The following PPARGC1A variants were observed in gnomAD, a reference collection of about 807,000 sequenced individuals.
The protein encoded by PPARGC1A is peroxisome proliferator-activated receptor gamma coactivator 1-alpha.
In PPARGC1A, 25 loss-of-function variants were observed where a neutral mutation model predicts 88.7. That is an observed-to-expected ratio of 0.28 (90% CI 0.21 to 0.39). PPARGC1A has a LOEUF of 0.39. Ranked by LOEUF, PPARGC1A falls within the 10% of genes least tolerant of loss-of-function variation. The pLI is 1.00. For missense variants in PPARGC1A, 880 were observed against 968.7 expected, an observed-to-expected ratio of 0.91 and a Z score of 1.22; for synonymous variants, 363 against 355.6, an observed-to-expected ratio of 1.02 and a Z score of -0.24.
the PPARGC1A span, among the ~76,000 whole-genome samples, chr4:24,076,266 T>C: frequency 6.6e-6 from 1 of 152,118 alleles, no homozygotes; most frequent in Non-Finnish European, 1.5e-5. Flanking sequence ...AAACCAAAGC[T>C]TGAAATAGAT....
At chr4:23,889,764 T>C (rs146580357) in intron 1 of PPARGC1A, 140 bp downstream of exon 1, 5 of 993,116 alleles carry the variant, frequency 5.0e-6, no homozygotes, top group African/African-American at 4.8e-5. Context: ...TAAGATAAGA[T>C]TGAGATTCTT....
chr4:24,170,014 T>A, the PPARGC1A span, among the ~76,000 whole-genome samples: 1 of 152,158 alleles, frequency 6.6e-6, no homozygotes, highest in African/African-American at 2.4e-5. Flanking sequence ...CAATGAATAA[T>A]TAAAAATTCA....
chr4:23,949,743 A>G, the PPARGC1A span, among the ~76,000 whole-genome samples: 1 of 152,168 alleles, frequency 6.6e-6, no homozygotes. Context: ...TGTGAATTCA[A>G]GGACAAGAGC....
At chr4:24,324,127 C>A in the PPARGC1A span, among the ~76,000 whole-genome samples, 1 of 152,198 alleles carries the variant, frequency 6.6e-6, no homozygotes, top group Admixed American at 6.5e-5. Flanking sequence ...TCAAGGGTGT[C>A]AAACCACGCA....
the PPARGC1A span, among the ~76,000 whole-genome samples, chr4:24,213,153 C>G: frequency 2.1e-5 from 3 of 144,546 alleles, no homozygotes; most frequent in Non-Finnish European, 4.5e-5. Context: ...CAGGGCACAA[C>G]TGATTATTTT....
chr4:24,302,904 C>G, the PPARGC1A span, among the ~76,000 whole-genome samples: 5 of 152,188 alleles, frequency 3.3e-5, no homozygotes, highest in Non-Finnish European at 5.9e-5. Flanking sequence ...TCTTAATGAA[C>G]ATTCTTTCCC....
chr4:24,127,281 T>C, the PPARGC1A span, among the ~76,000 whole-genome samples: 2 of 152,110 alleles, frequency 1.3e-5, no homozygotes, highest in African/African-American at 4.8e-5. Context: ...TTTAAAAAGT[T>C]TCCAACTGCC....
the PPARGC1A span, among the ~76,000 whole-genome samples, chr4:24,407,706 T>C: frequency 2.6e-5 from 4 of 152,228 alleles, no homozygotes; most frequent in Non-Finnish European, 5.9e-5. Context: ...TGTTTGAATG[T>C]TGGACATAGG....
chr4:24,334,548 T>C, the PPARGC1A span, among the ~76,000 whole-genome samples: 2 of 152,226 alleles, frequency 1.3e-5, no homozygotes, highest in African/African-American at 4.8e-5. Context: ...TTTATTTGCA[T>C]GGGAAATTTT....
upstream of PPARGC1A, among the ~76,000 whole-genome samples, chr4:23,901,970 G>A (rs188654522): frequency 9.2e-5 from 14 of 152,026 alleles, no homozygotes; most frequent in East Asian, 1.2e-3. Context: ...CAACGCAGTC[G>A]CCACTAGCCA....
the PPARGC1A span, among the ~76,000 whole-genome samples, chr4:24,266,408 G>A: frequency 5.3e-5 from 8 of 152,130 alleles, no homozygotes; most frequent in African/African-American, 1.9e-4. Flanking sequence ...CAGGATCTTG[G>A]GGTCATGGGT....
At chr4:23,876,799 T>C (rs1382692368) in intron 2 of PPARGC1A, among the ~76,000 whole-genome samples, 5 of 151,602 alleles carry the variant, frequency 3.3e-5, no homozygotes, top group Non-Finnish European at 7.4e-5. Flanking sequence ...CTCCCCACCC[T>C]AACCCCCAAA....
At chr4:24,040,988 C>T in the PPARGC1A span, among the ~76,000 whole-genome samples, 1 of 152,306 alleles carries the variant, frequency 6.6e-6, no homozygotes, top group South Asian at 2.1e-4. Flanking sequence ...GTGACTATTT[C>T]TAAACTGCTC....
chr4:24,104,101 G>C, the PPARGC1A span, among the ~76,000 whole-genome samples: 1 of 152,158 alleles, frequency 6.6e-6, no homozygotes, highest in South Asian at 2.1e-4. Context: ...AAAAATCAAA[G>C]ACAGAATAGC....
At chr4:24,153,392 T>A in the PPARGC1A span, among the ~76,000 whole-genome samples, 557 of 152,212 alleles carry the variant, frequency 3.7e-3, 2 homozygotes, top group Admixed American at 5.1e-3. Context: ...CCTTTCAGCA[T>A]CAGAAAGATT....
chr4:24,396,576 T>A, the PPARGC1A span, among the ~76,000 whole-genome samples: 2 of 152,108 alleles, frequency 1.3e-5, no homozygotes, highest in Admixed American at 1.3e-4. Flanking sequence ...GATGGTATCA[T>A]CAAAATCTTC....
chr4:24,347,831 TA>T, the PPARGC1A span, among the ~76,000 whole-genome samples: 5 of 152,224 alleles, frequency 3.3e-5, no homozygotes, highest in Admixed American at 1.3e-4. Context: ...GTTTTTTTGT[TA>T]TTTTGTTTGT....
At chr4:24,251,094 G>A in the PPARGC1A span, among the ~76,000 whole-genome samples, 1 of 152,148 alleles carries the variant, frequency 6.6e-6, no homozygotes, top group African/African-American at 2.4e-5. Flanking sequence ...AACAATATCT[G>A]TAAAAATCAT....
At chr4:23,820,714 G>T (rs1248703020) in intron 7 of PPARGC1A, 6 of 322,806 alleles carry the variant, frequency 1.9e-5, no homozygotes, top group Middle Eastern at 3.9e-4. Flanking sequence ...AGACCAGCTG[G>T]CAATACCTAA....
Sources: allele counts gnomAD v4.1 joint callset (sites outside exome capture counted in the v4.1 genomes callset), GRCh38; gene constraint gnomAD v4.1.1; transcripts MANE v1.5; gene names NCBI Gene and HGNC (gene_info 2026-07-23, HGNC 2026-07-21).